Variants in COMMD10 observed in about 807,000 individuals in gnomAD.
COMMD10 encodes COMM domain-containing protein 10.
COMMD10 carries 33 observed loss-of-function variants against 28.9 expected under a neutral mutation model. That is an observed-to-expected ratio of 1.14 (90% CI 0.87 to 1.53). The LOEUF (loss-of-function observed/expected upper bound fraction) is 1.53, where lower values mean the gene tolerates loss of function less well. Ranked by LOEUF, COMMD10 falls within the 40% of genes most tolerant of loss-of-function variation. COMMD10 has a pLI of 0.00. For missense variants in COMMD10, 310 were observed against 233.4 expected, an observed-to-expected ratio of 1.33 and a Z score of -2.14; for synonymous variants, 110 against 81.7, an observed-to-expected ratio of 1.35 and a Z score of -1.87.
chr5:116,181,813 T>C (rs1747976972), intron 5 of COMMD10, among the ~76,000 whole-genome samples: 1 of 152,076 alleles, frequency 6.6e-6, no homozygotes, highest in African/African-American at 2.4e-5. Flanking sequence ...TATTATAAAA[T>C]TGGCCAACAT....
intron 5 of COMMD10, among the ~76,000 whole-genome samples, chr5:116,227,216 T>C (rs1328328039): frequency 6.6e-6 from 1 of 152,064 alleles, no homozygotes; most frequent in Non-Finnish European, 1.5e-5. Context: ...GGTGATCTTT[T>C]CTCATTTCAA....
chr5:116,205,228 A>T (rs1748781936), intron 5 of COMMD10, among the ~76,000 whole-genome samples: 1 of 152,204 alleles, frequency 6.6e-6, no homozygotes, highest in African/African-American at 2.4e-5. Context: ...AACAAATGAA[A>T]GCAAACAGAA....
In COMMD10 at chr5:116,281,321, A is replaced by G. The variant is rs769738106; in HGVS notation, c.511-10196A>G. Among the ~76,000 whole-genome samples, 16 of 151,846 alleles carry G rather than the reference A, an allele frequency of 1.1e-4. No homozygotes were observed. In the South Asian group the frequency reaches 1.9e-3, roughly 18 times the overall value. ...GAAGACCTTACTGAATTCTATTTCC[A>G]TGGGAATTTTGCTAATGGGTATGTG... is the stretch of plus-strand genomic sequence containing the variant. On this transcript the variant is annotated intron_variant, in intron 5 of 6. Transcript: ENST00000274458.
chr5:116,274,361 A>G (rs1232317156), intron 5 of COMMD10, among the ~76,000 whole-genome samples: 2 of 151,888 alleles, frequency 1.3e-5, no homozygotes, highest in African/African-American at 2.4e-5. Flanking sequence ...CAGACTATAC[A>G]GCTCTGCTGT....
intron 5 of COMMD10, among the ~76,000 whole-genome samples, chr5:116,174,909 CCTT>C (rs1317857013): frequency 6.6e-6 from 1 of 152,100 alleles, no homozygotes; most frequent in Non-Finnish European, 1.5e-5. Context: ...GTTTGAAACT[CCTT>C]TAAGCAATTT....
rs529448644 is a variant in COMMD10 at position 116,229,570 on chromosome 5, C to T, written c.511-61947C>T. The stretch of plus-strand genomic sequence containing the variant: ...CAGTTCTGTAGCGCAACACTGTTAG[C>T]TGCTAAAGGACTCAAAAGGAGAAGA... On this transcript the variant is annotated intron_variant, in intron 5 of 6. Transcript: ENST00000274458. Among the ~76,000 whole-genome samples, 3 of 152,070 alleles carry T rather than the reference C, an allele frequency of 2.0e-5. No individual in the cohort carries two copies. The South Asian group carries it at 6.2e-4, about 32-fold the overall frequency.
chr5:116,173,700 A>G (rs1341853459), intron 5 of COMMD10, among the ~76,000 whole-genome samples: 1 of 152,132 alleles, frequency 6.6e-6, no homozygotes, highest in Non-Finnish European at 1.5e-5. Flanking sequence ...AGTTTCATAA[A>G]TTATCCACCT....
At chr5:116,251,209 TTAAG>T (rs1221092656) in intron 5 of COMMD10, among the ~76,000 whole-genome samples, 2 of 152,074 alleles carry the variant, frequency 1.3e-5, no homozygotes, top group Admixed American at 1.3e-4. Context: ...TTATTGTTCA[TTAAG>T]TATTTGTTCC....
At position 116,292,870 on chromosome 5, in the gene COMMD10, T is replaced by C. The variant is rs989987592; in HGVS notation, c.*381T>C. On this transcript the variant is annotated 3_prime_UTR_variant, in exon 7 of 7. Coordinates refer to ENST00000274458, the MANE Select transcript of COMMD10 (RefSeq NM_016144.4). ...ATACAAGATAAGATGTGTACCTTAG[T>C]AGAATACAGAGCTTTGGTAATTACA... The C allele has an allele frequency of 7.6e-6, 3 of 394,478 alleles. No homozygotes were observed. The highest frequency in any genetic ancestry group is 6.3e-4 in the Middle Eastern group (1 of 1,592). 24.4% of individuals were successfully genotyped at this position (394,478 alleles called of 1,614,324 possible).
intron 5 of COMMD10, among the ~76,000 whole-genome samples, chr5:116,145,699 A>C (rs552628727): frequency 6.6e-6 from 1 of 151,854 alleles, no homozygotes; most frequent in South Asian, 2.1e-4. Flanking sequence ...GACCAGGTGG[A>C]GGTAGTTGAA....
chr5:116,233,481 C>T (rs539939063), intron 5 of COMMD10, among the ~76,000 whole-genome samples: 2 of 152,170 alleles, frequency 1.3e-5, no homozygotes, highest in South Asian at 4.1e-4. Context: ...CTTGTGAAGT[C>T]TGTATTCTAG....
intron 5 of COMMD10, among the ~76,000 whole-genome samples, chr5:116,143,163 A>G (rs1344955575): frequency 6.0e-5 from 9 of 150,540 alleles, no homozygotes; most frequent in African/African-American, 2.2e-4. Flanking sequence ...TATGTATATA[A>G]TTTCTGCATA....
intron 5 of COMMD10, among the ~76,000 whole-genome samples, chr5:116,282,336 C>T (rs1041600943): frequency 1.1e-4 from 16 of 151,890 alleles, no homozygotes; most frequent in African/African-American, 3.9e-4. Flanking sequence ...CTGTGTCTTG[C>T]CTGGACTAAT....
chr5:116,160,141 C>T (rs1208886663), intron 5 of COMMD10, among the ~76,000 whole-genome samples: 1 of 152,040 alleles, frequency 6.6e-6, no homozygotes, highest in Non-Finnish European at 1.5e-5. Flanking sequence ...CTTTACTAGA[C>T]CCTTGAACCT....
intron 3 of COMMD10, among the ~76,000 whole-genome samples, chr5:116,091,548 G>GC (rs1435746927): frequency 6.6e-6 from 1 of 152,114 alleles, no homozygotes; most frequent in Non-Finnish European, 1.5e-5. Flanking sequence ...CCACTAAGCT[G>GC]CCTTCTGCAT....
At chr5:116,170,480 A>G (rs1753289068) in intron 5 of COMMD10, among the ~76,000 whole-genome samples, 3 of 152,198 alleles carry the variant, frequency 2.0e-5, no homozygotes, top group Admixed American at 2.0e-4. Flanking sequence ...AATTAGAGGA[A>G]ACTACTTTAA....
intron 5 of COMMD10, among the ~76,000 whole-genome samples, chr5:116,258,719 CTCTT>C (rs761524191): frequency 6.6e-6 from 1 of 151,502 alleles, no homozygotes; most frequent in Non-Finnish European, 1.5e-5. Flanking sequence ...TCCCTTCGTC[CTCTT>C]TCTTTCTCTT....
intron 5 of COMMD10, among the ~76,000 whole-genome samples, chr5:116,240,411 A>G (rs1339649809): frequency 2.0e-5 from 3 of 152,214 alleles, no homozygotes; most frequent in Non-Finnish European, 4.4e-5. Context: ...TAATATTTTA[A>G]TTACAAATTA....
intron 4 of COMMD10, among the ~76,000 whole-genome samples, chr5:116,133,578 C>A (rs1007277785): frequency 1.1e-4 from 16 of 152,018 alleles, no homozygotes; most frequent in Non-Finnish European, 5.9e-5. Context: ...ACTTTAGTTT[C>A]CCTCTAAATT....
Sources: allele counts gnomAD v4.1 joint callset (sites outside exome capture counted in the v4.1 genomes callset), GRCh38; gene constraint gnomAD v4.1.1; transcripts MANE v1.5; gene names NCBI Gene and HGNC (gene_info 2026-07-23, HGNC 2026-07-21).